RGS8: variants seen among roughly 807,000 people sequenced by gnomAD.
RGS8 encodes the protein regulator of G-protein signaling 8.
A neutral mutation model predicts 21.7 loss-of-function variants in RGS8; 8 were observed. That is an observed-to-expected ratio of 0.37 (90% CI 0.22 to 0.66). The LOEUF (loss-of-function observed/expected upper bound fraction) is 0.66. Ranked by LOEUF, RGS8 falls within the 30% of genes least tolerant of loss-of-function variation. RGS8 has a pLI of 0.59. For missense variants in RGS8, 157 were observed against 217.9 expected (o/e 0.72, Z 1.76); for synonymous variants, 80 against 83.6 (o/e 0.96, Z 0.24).
intron 5 of RGS8, among the ~76,000 whole-genome samples, chr1:182,654,714 A>T (rs1272995897): frequency 6.6e-6 from 1 of 152,238 alleles, no homozygotes; most frequent in South Asian, 2.1e-4. Context: ...ATGTGATAAA[A>T]AAAAAACCGT....
At chr1:182,674,152 G>A (rs994202200), upstream of RGS8, among the ~76,000 whole-genome samples, 1 of 152,154 alleles carries the variant, frequency 6.6e-6, no homozygotes, top group African/African-American at 2.4e-5. Flanking sequence ...TAAAACAGCG[G>A]AACAAAGGCC....
chr1:182,732,843 C>A, the RGS8 span, among the ~76,000 whole-genome samples: 2 of 152,312 alleles, frequency 1.3e-5, no homozygotes, highest in East Asian at 1.9e-4. Context: ...GAGTCCTTCA[C>A]CCTGGCAACT....
the RGS8 span, among the ~76,000 whole-genome samples, chr1:182,746,808 G>A: frequency 2.6e-5 from 4 of 152,050 alleles, no homozygotes; most frequent in African/African-American, 4.8e-5. Flanking sequence ...GGACTGCTTC[G>A]AGTTAAAATG....
chr1:182,654,633 G>C (rs570177864), intron 5 of RGS8, among the ~76,000 whole-genome samples: 1 of 152,286 alleles, frequency 6.6e-6, no homozygotes, highest in South Asian at 2.1e-4. Flanking sequence ...TACAAATGCA[G>C]AGTGGGCTAT....
chr1:182,747,952 G>T, the RGS8 span, among the ~76,000 whole-genome samples: 1 of 149,650 alleles, frequency 6.7e-6, no homozygotes, highest in Admixed American at 6.7e-5. Context: ...CTTTATTTTT[G>T]AGTATGTTTT....
At chr1:182,718,554 T>C in the RGS8 span, among the ~76,000 whole-genome samples, 7 of 152,152 alleles carry the variant, frequency 4.6e-5, no homozygotes, top group Non-Finnish European at 1.0e-4. Flanking sequence ...GCCATGATAC[T>C]GCAGTGAACT....
the RGS8 span, among the ~76,000 whole-genome samples, chr1:182,743,786 T>C: frequency 3.7e-3 from 565 of 152,312 alleles, 5 homozygotes; most frequent in African/African-American, 0.013. Context: ...AAAACATGTG[T>C]ATACACACAC....
upstream of RGS8, among the ~76,000 whole-genome samples, chr1:182,689,253 GCACACACACAGA>G (rs1664770094): frequency 7.5e-6 from 1 of 133,156 alleles, no homozygotes; most frequent in Non-Finnish European, 1.6e-5. Context: ...GCACGCGCAC[GCACACACACAGA>G]CACACACACA....
At chr1:182,665,735 C>T (rs530587925) in intron 5 of RGS8, among the ~76,000 whole-genome samples, 22 of 152,302 alleles carry the variant, frequency 1.4e-4, no homozygotes, top group Non-Finnish European at 2.9e-4. Context: ...ACGAAGGCTT[C>T]TTGGGATCAT....
At chr1:182,740,004 G>T in the RGS8 span, among the ~76,000 whole-genome samples, 1 of 151,840 alleles carries the variant, frequency 6.6e-6, no homozygotes, top group Non-Finnish European at 1.5e-5. Context: ...ATCATCGCCT[G>T]GGTGAAACTA....
At chr1:182,710,698 G>A in the RGS8 span, among the ~76,000 whole-genome samples, 30 of 152,284 alleles carry the variant, frequency 2.0e-4, 1 homozygote, top group East Asian at 5.4e-3. Flanking sequence ...GTTACCACAA[G>A]AGGAGGAGGG....
At chr1:182,645,511 G>C (rs1662662710), downstream of RGS8, 1 of 152,142 alleles carries the variant, frequency 6.6e-6, no homozygotes, top group African/African-American at 2.4e-5. Context: ...GCAGCTGCAG[G>C]GTACCATGAA....
At chr1:182,718,595 A>G in the RGS8 span, among the ~76,000 whole-genome samples, 1 of 152,206 alleles carries the variant, frequency 6.6e-6, no homozygotes, top group African/African-American at 2.4e-5. Context: ...ACTAGAATAG[A>G]GAAAATTGGC....
the RGS8 span, among the ~76,000 whole-genome samples, chr1:182,725,279 T>TA: frequency 6.6e-6 from 1 of 152,202 alleles, no homozygotes; most frequent in Non-Finnish European, 1.5e-5. Context: ...CCAACCCTGA[T>TA]AATTTTAATA....
At chr1:182,648,769 C>T (rs1662835995) in intron 5 of RGS8, among the ~76,000 whole-genome samples, 1 of 151,872 alleles carries the variant, frequency 6.6e-6, no homozygotes. Context: ...TTCTCTTAGA[C>T]ACAAAAGTGT....
downstream of RGS8, chr1:182,644,421 C>T (rs187938336): frequency 2.6e-5 from 4 of 152,348 alleles, no homozygotes; most frequent in East Asian, 5.8e-4. Flanking sequence ...CACATGCCCA[C>T]ATACCCTTGC....
At chr1:182,650,422 G>T (rs575918909) in intron 5 of RGS8, among the ~76,000 whole-genome samples, 397 of 152,272 alleles carry the variant, frequency 2.6e-3, no homozygotes, top group African/African-American at 7.6e-3. Flanking sequence ...ATATTTTAAT[G>T]TCTATACTAG....
chr1:182,705,138 G>A, the RGS8 span, among the ~76,000 whole-genome samples: 2 of 152,306 alleles, frequency 1.3e-5, no homozygotes, highest in South Asian at 4.2e-4. Flanking sequence ...TTCATTATGA[G>A]AGATTGGCTT....
chr1:182,660,516 C>T (rs1287147262), intron 5 of RGS8, among the ~76,000 whole-genome samples: 1 of 151,834 alleles, frequency 6.6e-6, no homozygotes, highest in Non-Finnish European at 1.5e-5. Flanking sequence ...TTTTCTAGCT[C>T]TTATCCTGAA....
Sources: allele counts gnomAD v4.1 joint callset (sites outside exome capture counted in the v4.1 genomes callset), GRCh38; gene constraint gnomAD v4.1.1; transcripts MANE v1.5; gene names NCBI Gene and HGNC (gene_info 2026-07-23, HGNC 2026-07-21).